The following SPMIP2 variants were observed in gnomAD, a reference collection of about 807,000 sequenced individuals.
The protein encoded by SPMIP2 is protein SPMIP2.
At chr4:158,950,487 T>C in the SPMIP2 span, among the ~76,000 whole-genome samples, 1 of 152,158 alleles carries the variant, frequency 6.6e-6, no homozygotes, top group African/African-American at 2.4e-5. Context: ...CAAGTGCCCA[T>C]TTATGCCAAG....
At chr4:159,015,935 A>G in the SPMIP2 span, among the ~76,000 whole-genome samples, 1 of 152,208 alleles carries the variant, frequency 6.6e-6, no homozygotes, top group Non-Finnish European at 1.5e-5. Flanking sequence ...CTAAGAAAAG[A>G]GTCTTATGCA....
At chr4:158,948,377 C>T in the SPMIP2 span, among the ~76,000 whole-genome samples, 4 of 152,184 alleles carry the variant, frequency 2.6e-5, no homozygotes, top group East Asian at 7.7e-4. Flanking sequence ...CCTACTTGCT[C>T]ATTGGTTGGG....
the SPMIP2 span, among the ~76,000 whole-genome samples, chr4:159,020,812 A>C: frequency 6.6e-6 from 1 of 152,112 alleles, no homozygotes; most frequent in Non-Finnish European, 1.5e-5. Context: ...CCCAGGCTGG[A>C]GTGCAGTGGC....
the SPMIP2 span, among the ~76,000 whole-genome samples, chr4:158,901,868 T>C: frequency 1.5e-4 from 23 of 151,986 alleles, no homozygotes; most frequent in African/African-American, 5.6e-4. Context: ...AAGCTAGTTA[T>C]TCTAGTTAGC....
chr4:158,925,560 C>T, the SPMIP2 span, among the ~76,000 whole-genome samples: 2 of 152,094 alleles, frequency 1.3e-5, no homozygotes, highest in East Asian at 1.9e-4. Context: ...CACCTCAGAT[C>T]CTCAGGCATT....
the SPMIP2 span, among the ~76,000 whole-genome samples, chr4:158,976,755 A>G: frequency 5.3e-5 from 7 of 132,922 alleles, no homozygotes; most frequent in Admixed American, 6.3e-4. Flanking sequence ...TCCATTTCCC[A>G]GGTTCAAGCA....
At chr4:158,893,386 T>C in the SPMIP2 span, 6 of 268,792 alleles carry the variant, frequency 2.2e-5, no homozygotes, top group Non-Finnish European at 3.5e-5. Flanking sequence ...TCTCCTATGG[T>C]TATGAAATTA....
the SPMIP2 span, among the ~76,000 whole-genome samples, chr4:159,079,853 A>G: frequency 6.6e-6 from 1 of 152,132 alleles, no homozygotes; most frequent in Non-Finnish European, 1.5e-5. Flanking sequence ...GAGTGTTTTT[A>G]AAAAACACTA....
At chr4:159,016,702 T>C in the SPMIP2 span, among the ~76,000 whole-genome samples, 2 of 151,922 alleles carry the variant, frequency 1.3e-5, no homozygotes, top group Admixed American at 1.3e-4. Flanking sequence ...AAAGTGGGAG[T>C]CTAACTGGGC....
At chr4:158,974,046 C>T in the SPMIP2 span, among the ~76,000 whole-genome samples, 1 of 146,174 alleles carries the variant, frequency 6.8e-6, no homozygotes. Context: ...GCTACATTTG[C>T]AGGATGTAGG....
chr4:158,896,772 T>C, the SPMIP2 span, among the ~76,000 whole-genome samples: 3 of 150,596 alleles, frequency 2.0e-5, no homozygotes, highest in South Asian at 2.1e-4. Flanking sequence ...ACATGTCTCT[T>C]TGTCGTTTTT....
the SPMIP2 span, among the ~76,000 whole-genome samples, chr4:158,900,079 T>G: frequency 6.6e-6 from 1 of 152,238 alleles, no homozygotes; most frequent in Admixed American, 6.5e-5. Flanking sequence ...AGAACTTTTA[T>G]TTCTGCCTTC....
the SPMIP2 span, among the ~76,000 whole-genome samples, chr4:158,909,678 ATCC>A: frequency 1.4e-3 from 207 of 151,328 alleles, 2 homozygotes; most frequent in African/African-American, 4.8e-3. Flanking sequence ...GGCCTCAAGT[ATCC>A]TCCTGCCTCA....
the SPMIP2 span, among the ~76,000 whole-genome samples, chr4:158,925,344 A>T: frequency 6.6e-6 from 1 of 152,176 alleles, no homozygotes; most frequent in African/African-American, 2.4e-5. Flanking sequence ...GTACTCCCTT[A>T]TAATAATTCT....
At chr4:159,077,789 T>A in the SPMIP2 span, among the ~76,000 whole-genome samples, 4 of 152,144 alleles carry the variant, frequency 2.6e-5, no homozygotes, top group South Asian at 8.3e-4. Flanking sequence ...GGTAACAGAG[T>A]GATGATGACT....
chr4:158,977,426 G>T, the SPMIP2 span, among the ~76,000 whole-genome samples: 1 of 152,040 alleles, frequency 6.6e-6, no homozygotes, highest in Non-Finnish European at 1.5e-5. Context: ...ATTTCTGTGG[G>T]ATCAGTGGTG....
At chr4:159,022,858 C>T in the SPMIP2 span, among the ~76,000 whole-genome samples, 1 of 151,698 alleles carries the variant, frequency 6.6e-6, no homozygotes, top group African/African-American at 2.4e-5. Flanking sequence ...GTTGAAACCC[C>T]GTCTCTACTA....
At chr4:159,042,772 T>C in the SPMIP2 span, among the ~76,000 whole-genome samples, 1 of 152,212 alleles carries the variant, frequency 6.6e-6, no homozygotes, top group African/African-American at 2.4e-5. Context: ...AAGTGATTCT[T>C]GTTCCTCAGC....
At chr4:158,901,213 A>C in the SPMIP2 span, among the ~76,000 whole-genome samples, 16 of 146,530 alleles carry the variant, frequency 1.1e-4, no homozygotes, top group Middle Eastern at 3.7e-3. Context: ...GCTCACTGCA[A>C]CCTCCGCCCC....
Sources: gnomAD v4.1 joint callset for allele counts (sites outside exome capture counted in the v4.1 genomes callset) on GRCh38, gnomAD v4.1.1 for gene constraint, MANE v1.5 for transcripts, NCBI Gene and HGNC (gene_info 2026-07-23, HGNC 2026-07-21) for gene names.